The following CACNA1C variants were observed in gnomAD, a reference collection of about 807,000 sequenced individuals.
The protein encoded by CACNA1C is calcium voltage-gated channel subunit alpha1 C, also known as voltage-dependent L-type calcium channel subunit alpha-1C.
In CACNA1C, 30 loss-of-function variants were observed where a neutral mutation model predicts 229.0. That is an observed-to-expected ratio of 0.13 (90% CI 0.10 to 0.18). The LOEUF is 0.18. CACNA1C is among the 10% of genes least tolerant of loss of function. CACNA1C has a pLI of 1.00. For synonymous variants in CACNA1C, 1,114 were observed against 1,132.5 expected (o/e 0.98, Z 0.33); for missense variants, 1,658 against 2,845.0 (o/e 0.58, Z 9.49).
chr12:2,047,932 C>T (rs565419171), intron 1 of CACNA1C, among the ~76,000 whole-genome samples: 3 of 152,148 alleles, frequency 2.0e-5, no homozygotes, highest in African/African-American at 4.8e-5. Context: ...CAAATAAAAC[C>T]CTTGTTTGCC....
At chr12:2,521,716 C>T (rs939780038) in intron 9 of CACNA1C, among the ~76,000 whole-genome samples, 3 of 152,186 alleles carry the variant, frequency 2.0e-5, no homozygotes, top group Non-Finnish European at 2.9e-5. Context: ...TTCGCTTCTT[C>T]GCTTGGACTT....
At chr12:2,302,632 A>G (rs1409434295) in intron 3 of CACNA1C, among the ~76,000 whole-genome samples, 4 of 152,078 alleles carry the variant, frequency 2.6e-5, no homozygotes, top group Non-Finnish European at 4.4e-5. Context: ...GGGAGTGGCC[A>G]CTTACCTTTG....
chr12:2,598,802 C>G (rs1309625039), intron 21 of CACNA1C, among the ~76,000 whole-genome samples: 4 of 152,172 alleles, frequency 2.6e-5, no homozygotes, highest in Non-Finnish European at 5.9e-5. Context: ...TCCTTGTCCC[C>G]AGGACACTCA....
At chr12:2,276,636 A>G (rs2088232888) in intron 3 of CACNA1C, among the ~76,000 whole-genome samples, 1 of 152,240 alleles carries the variant, frequency 6.6e-6, no homozygotes, top group Non-Finnish European at 1.5e-5. Flanking sequence ...TGCAGACGTT[A>G]ACAGCTTCTA....
chr12:2,247,774 A>G (rs79976249), intron 3 of CACNA1C, among the ~76,000 whole-genome samples: 6,969 of 152,086 alleles, frequency 0.046, 189 homozygotes, highest in Middle Eastern at 0.065. Flanking sequence ...TCCTCTTTTC[A>G]TTCTCTGTCA....
At chr12:2,123,677 C>T (rs768824379) in intron 3 of CACNA1C, among the ~76,000 whole-genome samples, 1 of 152,192 alleles carries the variant, frequency 6.6e-6, no homozygotes, top group African/African-American at 2.4e-5. Context: ...CATTGCTGGC[C>T]TTGCTGTCAC....
At chr12:2,556,918 A>G in intron 10 of CACNA1C, 33 bp from the exon 11 acceptor site, 1 of 1,600,474 alleles carries the variant, frequency 6.2e-7, no homozygotes, top group Non-Finnish European at 8.6e-7. Context: ...GTGTGTGTCC[A>G]TCCTTTGGTA....
intron 3 of CACNA1C, among the ~76,000 whole-genome samples, chr12:2,295,570 A>G (rs553384163): frequency 6.6e-6 from 1 of 152,310 alleles, no homozygotes; most frequent in East Asian, 1.9e-4. Flanking sequence ...ATTGATATCA[A>G]TGATTCTGGC....
At chr12:2,291,696 T>A (rs2093532813) in intron 3 of CACNA1C, among the ~76,000 whole-genome samples, 1 of 152,160 alleles carries the variant, frequency 6.6e-6, no homozygotes, top group African/African-American at 2.4e-5. Flanking sequence ...CTGTTCTGGG[T>A]AGAGCATCCA....
At chr12:2,126,232 C>T (rs2089998872) in intron 3 of CACNA1C, among the ~76,000 whole-genome samples, 1 of 152,128 alleles carries the variant, frequency 6.6e-6, no homozygotes, top group Non-Finnish European at 1.5e-5. Context: ...TTATCTTTTC[C>T]TCATGCTAGT....
chr12:1,976,221 G>T (rs965182394), intron 1 of CACNA1C, among the ~76,000 whole-genome samples: 1 of 152,122 alleles, frequency 6.6e-6, no homozygotes, highest in Non-Finnish European at 1.5e-5. Flanking sequence ...CACAGTAGAC[G>T]TATAACCCTT....
chr12:2,458,341 G>A (rs2099459153), intron 5 of CACNA1C, among the ~76,000 whole-genome samples: 1 of 152,150 alleles, frequency 6.6e-6, no homozygotes, highest in Non-Finnish European at 1.5e-5. Flanking sequence ...CAGTCACATG[G>A]ACAATGCCTC....
chr12:2,192,423 G>A (rs4765666), intron 3 of CACNA1C, among the ~76,000 whole-genome samples: 277 of 152,262 alleles, frequency 1.8e-3, no homozygotes, highest in African/African-American at 6.4e-3. Context: ...GTGGATTCCC[G>A]TGCCTGCGGA....
intron 3 of CACNA1C, among the ~76,000 whole-genome samples, chr12:2,297,868 A>C (rs899116093): frequency 4.6e-5 from 7 of 152,214 alleles, no homozygotes; most frequent in Admixed American, 2.0e-4. Flanking sequence ...ACAAAAAAAA[A>C]CCTAAAACCA....
At position 2,653,537 on chromosome 12, in the gene CACNA1C, G is replaced by A. The variant is rs146591080; in HGVS notation, c.4075-298G>A. The stretch of plus-strand genomic sequence containing the variant: ...TTCTCCTGCCTCGTACAGACACACC[G>A]CACATGTGTAGTCGGAGGAGGTTTT... On this transcript the variant is annotated intron_variant, in intron 32 of 46. Coordinates refer to ENST00000399655, the MANE Select transcript of CACNA1C (RefSeq NM_000719.7). This position sits in a 1 kb window ranked among gnomAD's most constrained non-coding sequence, Gnocchi z 4.7. Among the ~76,000 whole-genome samples the A allele has an allele frequency of 3.9e-5, 6 of 152,290 alleles. No individual in the cohort carries two copies. The highest frequency in any genetic ancestry group is 1.9e-4 in the East Asian group (1 of 5,178).
Position 2,677,949 on chromosome 12 carries a change from G to A in CACNA1C, c.5091+82G>A, listed in dbSNP as rs749589509. 62 of 1,515,578 alleles carry A rather than the reference G, an allele frequency of 4.1e-5. No individual in the cohort carries two copies. In the Middle Eastern group the frequency reaches 5.2e-4, roughly 13 times the overall value. The allele number at this position is 1,515,578 out of a possible 1,614,324, so 93.9% of individuals were successfully genotyped here. ...GTTGGGCTGGGGTTTTGCGGGGAAC[G>A]TCCAGGGGAAGGAGCTGCACCAGAG... On this transcript the variant is annotated intron_variant, in intron 41 of 46. Transcript: ENST00000399655. This position sits in a 1 kb window ranked among gnomAD's most constrained non-coding sequence, Gnocchi z 7.4.
intron 3 of CACNA1C, among the ~76,000 whole-genome samples, chr12:2,317,792 G>A (rs1459682328): frequency 1.3e-5 from 2 of 152,206 alleles, no homozygotes; most frequent in African/African-American, 4.8e-5. Context: ...GGTGGCGATT[G>A]GATGTGGGAA....
chr12:2,569,042 G>A (rs751759511), intron 13 of CACNA1C, among the ~76,000 whole-genome samples: 2 of 152,136 alleles, frequency 1.3e-5, no homozygotes, highest in Non-Finnish European at 1.5e-5. Context: ...CTGAAAATGC[G>A]TTCAAGATCT....
chr12:2,540,744 A>C (rs1228583286), intron 9 of CACNA1C, among the ~76,000 whole-genome samples: 1 of 152,222 alleles, frequency 6.6e-6, no homozygotes, highest in Non-Finnish European at 1.5e-5. Flanking sequence ...AGAGGTTGGT[A>C]CGGAGCCAGC....
Sources: allele counts gnomAD v4.1 joint callset (sites outside exome capture counted in the v4.1 genomes callset), GRCh38; gene constraint gnomAD v4.1.1; non-coding constraint Gnocchi (gnomAD v3.1); transcripts MANE v1.5; gene names NCBI Gene and HGNC (gene_info 2026-07-23, HGNC 2026-07-21).